The following SEMA3A variants were observed in gnomAD, a reference collection of about 807,000 sequenced individuals.
SEMA3A encodes the protein semaphorin-3A.
In SEMA3A, 29 loss-of-function variants were observed where a neutral mutation model predicts 97.9. The ratio of observed to expected loss-of-function variants is 0.30; its 90% confidence interval spans 0.22 to 0.40. The LOEUF (loss-of-function observed/expected upper bound fraction) is 0.40. Ranked by LOEUF, SEMA3A falls within the 10% of genes least tolerant of loss-of-function variation. The pLI, the probability that SEMA3A is intolerant of heterozygous loss-of-function variation, is 1.00. For synonymous variants in SEMA3A, 321 were observed against 323.7 expected (o/e 0.99, Z 0.09); for missense variants, 763 against 951.3 (o/e 0.80, Z 2.60).
At chr7:84,396,024 A>G (rs903511927) in intron 1 of SEMA3A, among the ~76,000 whole-genome samples, 3 of 152,156 alleles carry the variant, frequency 2.0e-5, no homozygotes, top group Non-Finnish European at 4.4e-5. Flanking sequence ...CACTAAAGAA[A>G]ATATTCAGGA....
chr7:84,125,407 AG>A (rs1363696258), intron 3 of SEMA3A, among the ~76,000 whole-genome samples: 1 of 152,212 alleles, frequency 6.6e-6, no homozygotes, highest in Non-Finnish European at 1.5e-5. Context: ...ATTTTTAGTA[AG>A]TGTGGAAAAT....
chr7:84,057,794 A>G (rs1793055737), intron 5 of SEMA3A, among the ~76,000 whole-genome samples: 2 of 152,026 alleles, frequency 1.3e-5, no homozygotes, highest in South Asian at 4.1e-4. Context: ...ATAAATAAAG[A>G]CTGGAGCAAA....
At chr7:84,233,743 C>T (rs1005776636) in intron 3 of SEMA3A, among the ~76,000 whole-genome samples, 1 of 151,874 alleles carries the variant, frequency 6.6e-6, no homozygotes, top group Non-Finnish European at 1.5e-5. Context: ...TTCAGTTTGA[C>T]TAAATCAAAA....
At chr7:84,188,222 CA>C (rs1797941414) in intron 1 of SEMA3A, among the ~76,000 whole-genome samples, 1 of 151,998 alleles carries the variant, frequency 6.6e-6, no homozygotes, top group African/African-American at 2.4e-5. Flanking sequence ...AACTATTCTT[CA>C]TATTTATCAA....
intron 5 of SEMA3A, among the ~76,000 whole-genome samples, chr7:84,048,409 C>T (rs1238065479): frequency 6.6e-6 from 1 of 151,884 alleles, no homozygotes; most frequent in Non-Finnish European, 1.5e-5. Context: ...AGCACCATGA[C>T]ATTTTTATTA....
intron 2 of SEMA3A, among the ~76,000 whole-genome samples, chr7:84,350,061 A>G (rs961218394): frequency 3.9e-5 from 6 of 152,212 alleles, no homozygotes; most frequent in African/African-American, 1.4e-4. Flanking sequence ...TTTTGGTATC[A>G]CGTCTGTTCT....
intron 3 of SEMA3A, among the ~76,000 whole-genome samples, chr7:84,280,951 G>A (rs575737158): frequency 3.2e-4 from 48 of 151,974 alleles, no homozygotes; most frequent in Non-Finnish European, 5.1e-4. Flanking sequence ...TTTTAATATG[G>A]AATGTTCCCA....
At position 84,013,655 on chromosome 7, in the gene SEMA3A, TG is replaced by T. The variant is rs113483660; in HGVS notation, c.810+553del. Among the ~76,000 whole-genome samples, 544 of 152,262 alleles carry T rather than the reference TG, an allele frequency of 3.6e-3. 6 individuals are homozygous for T. Among genetic ancestry groups the T allele is most frequent in the African/African-American group, 0.013 (532 of 41,538 alleles). On this transcript the variant is annotated intron_variant, in intron 7 of 16. Coordinates refer to ENST00000265362, the MANE Select transcript of SEMA3A (RefSeq NM_006080.3). ...AGAGATCAGGAGTTCAAGACCAGCC[TG>T]GCCAACATGATGAAACCCCGTCTCT... is the stretch of plus-strand genomic sequence containing the variant.
chr7:83,969,880 A>G (rs1391699979), intron 15 of SEMA3A, among the ~76,000 whole-genome samples: 1 of 152,208 alleles, frequency 6.6e-6, no homozygotes, highest in Non-Finnish European at 1.5e-5. Flanking sequence ...AAGGATACCT[A>G]TATCACTAAA....
At chr7:84,246,179 G>A (rs1174857736) in intron 3 of SEMA3A, among the ~76,000 whole-genome samples, 2 of 152,154 alleles carry the variant, frequency 1.3e-5, no homozygotes, top group Non-Finnish European at 1.5e-5. Context: ...GAAATCACCC[G>A]CCTTCTGTGT....
chr7:84,375,359 T>C (rs951828673), intron 1 of SEMA3A, among the ~76,000 whole-genome samples: 1 of 152,066 alleles, frequency 6.6e-6, no homozygotes, highest in African/African-American at 2.4e-5. Flanking sequence ...GTGCGCAAAG[T>C]ACCAAGCTCC....
intron 1 of SEMA3A, among the ~76,000 whole-genome samples, chr7:84,473,577 C>T (rs998036555): frequency 1.3e-5 from 2 of 151,620 alleles, no homozygotes; most frequent in African/African-American, 4.8e-5. Context: ...TTAGTAGAGA[C>T]AGGGTTTCAA....
chr7:84,157,291 C>A (rs1796873195), intron 1 of SEMA3A, among the ~76,000 whole-genome samples: 1 of 152,248 alleles, frequency 6.6e-6, no homozygotes, highest in East Asian at 1.9e-4. Context: ...TAGCTTTAAA[C>A]CATTTTTCCA....
intron 3 of SEMA3A, among the ~76,000 whole-genome samples, chr7:84,254,947 G>A (rs1191950460): frequency 6.6e-6 from 1 of 152,030 alleles, no homozygotes; most frequent in Non-Finnish European, 1.5e-5. Flanking sequence ...AATAAAATTT[G>A]GCATGTACTT....
At chr7:84,267,316 C>T (rs1054340342) in intron 3 of SEMA3A, among the ~76,000 whole-genome samples, 1 of 152,086 alleles carries the variant, frequency 6.6e-6, no homozygotes, top group Admixed American at 6.6e-5. Context: ...GACTCTCTTA[C>T]CCTTATCCAT....
At chr7:84,469,243 T>C (rs989998576) in intron 1 of SEMA3A, among the ~76,000 whole-genome samples, 64 of 152,168 alleles carry the variant, frequency 4.2e-4, no homozygotes, top group Non-Finnish European at 1.0e-4. Flanking sequence ...TTCGCTCTTG[T>C]TAGTACTGCT....
At chr7:83,980,125 C>G (rs937425837) in intron 14 of SEMA3A, among the ~76,000 whole-genome samples, 2 of 152,056 alleles carry the variant, frequency 1.3e-5, no homozygotes, top group South Asian at 2.1e-4. Flanking sequence ...TTTCATCCAC[C>G]ATTCTCATTT....
At chr7:84,381,121 G>A (rs534515572) in intron 1 of SEMA3A, among the ~76,000 whole-genome samples, 5 of 152,120 alleles carry the variant, frequency 3.3e-5, no homozygotes, top group Non-Finnish European at 7.4e-5. Flanking sequence ...TTCGTTCTTG[G>A]AGTTTTCCAT....
At chr7:84,337,651 G>T (rs558723119) in intron 2 of SEMA3A, among the ~76,000 whole-genome samples, 1 of 152,162 alleles carries the variant, frequency 6.6e-6, no homozygotes, top group African/African-American at 2.4e-5. Context: ...ATTGTGTTGA[G>T]ATCTCAATGA....
Sources: allele counts gnomAD v4.1 joint callset (sites outside exome capture counted in the v4.1 genomes callset), GRCh38; gene constraint gnomAD v4.1.1; transcripts MANE v1.5; gene names NCBI Gene and HGNC (gene_info 2026-07-23, HGNC 2026-07-21).